The following RAD51B variants were observed in gnomAD, a reference collection of about 807,000 sequenced individuals.
The protein encoded by RAD51B is DNA repair protein RAD51 homolog 2.
RAD51B carries 38 observed loss-of-function variants against 42.2 expected under a neutral mutation model. The observed-to-expected ratio is 0.90, with a 90% confidence interval of 0.70 to 1.18. The LOEUF is 1.18. Among genes scored for constraint, RAD51B ranks in the 50% most tolerant of loss-of-function variants. RAD51B has a pLI of 0.00. For synonymous variants in RAD51B, 154 were observed against 145.2 expected, an observed-to-expected ratio of 1.06 and a Z score of -0.43; for missense variants, 373 against 400.7, an observed-to-expected ratio of 0.93 and a Z score of 0.59.
At chr14:68,124,409 G>A (rs544854576) in intron 7 of RAD51B, among the ~76,000 whole-genome samples, 7 of 152,240 alleles carry the variant, frequency 4.6e-5, no homozygotes, top group South Asian at 2.1e-4. Flanking sequence ...TCTAGCAGCC[G>A]TACACACGAA....
intron 7 of RAD51B, among the ~76,000 whole-genome samples, chr14:68,199,882 A>G (rs1032355334): frequency 2.0e-5 from 3 of 152,100 alleles, no homozygotes; most frequent in African/African-American, 7.2e-5. Context: ...GGTTTGGCCC[A>G]TTGTCTCCCA....
chr14:68,002,426 A>C (rs2075502697), intron 7 of RAD51B, among the ~76,000 whole-genome samples: 1 of 151,648 alleles, frequency 6.6e-6, no homozygotes, highest in Non-Finnish European at 1.5e-5. Flanking sequence ...TAGATGCTGG[A>C]TGTTAGACCT....
chr14:68,138,072 T>C (rs2078047453), intron 7 of RAD51B, among the ~76,000 whole-genome samples: 1 of 152,182 alleles, frequency 6.6e-6, no homozygotes, highest in Non-Finnish European at 1.5e-5. Flanking sequence ...GGCACAAAAG[T>C]CTAGCTTACA....
At chr14:68,445,543 T>C (rs1157821010) in intron 9 of RAD51B, among the ~76,000 whole-genome samples, 3 of 152,182 alleles carry the variant, frequency 2.0e-5, no homozygotes, top group Admixed American at 6.5e-5. Flanking sequence ...CCCAAAGAGA[T>C]TAATTGTTAG....
At chr14:68,072,983 G>A (rs1464822620) in intron 7 of RAD51B, among the ~76,000 whole-genome samples, 2 of 152,196 alleles carry the variant, frequency 1.3e-5, no homozygotes, top group Non-Finnish European at 2.9e-5. Flanking sequence ...TGTGCCATGT[G>A]CAGATCAGAA....
At chr14:68,547,284 C>T (rs1888286712) in intron 10 of RAD51B, among the ~76,000 whole-genome samples, 1 of 152,238 alleles carries the variant, frequency 6.6e-6, no homozygotes. Context: ...AACCTCCTTT[C>T]TCAGCATCTC....
intron 7 of RAD51B, among the ~76,000 whole-genome samples, chr14:67,894,028 C>T: frequency 6.6e-6 from 1 of 152,196 alleles, no homozygotes. Context: ...CTTAGCTCCA[C>T]TATTTGCTAA....
chr14:68,454,696 A>G lies in RAD51B; in HGVS notation c.958-13476A>G, dbSNP rs115517097. On this transcript the variant is annotated intron_variant, in intron 9 of 10. Coordinates refer to ENST00000471583, the MANE Select transcript of RAD51B (RefSeq NM_133510.4). ...CATTCTCAGGGCTTGTCTTTATTTG[A>G]CTTAGATTCAGAACTTGGCCTGTGT... is the stretch of plus-strand genomic sequence containing the variant. Among the ~76,000 whole-genome samples the G allele has an allele frequency of 3.2e-3, 486 of 152,306 alleles. 3 individuals carry two copies. Among genetic ancestry groups the G allele is most frequent in the African/African-American group, 0.011 (470 of 41,554 alleles).
At chr14:68,564,708 A>T (rs11158751) in intron 10 of RAD51B, among the ~76,000 whole-genome samples, 10 of 152,082 alleles carry the variant, frequency 6.6e-5, no homozygotes, top group Non-Finnish European at 4.4e-5. Context: ...GCTGGCTTTC[A>T]GGCCTGGTGT....
chr14:68,678,741 G>A (rs965350048), intron 11 of RAD51B, among the ~76,000 whole-genome samples: 1 of 152,182 alleles, frequency 6.6e-6, no homozygotes, highest in Non-Finnish European at 1.5e-5. Flanking sequence ...TTCTGCTGGT[G>A]GTGATATGGA....
At chr14:68,234,995 C>T (rs1427984165) in intron 7 of RAD51B, among the ~76,000 whole-genome samples, 2 of 152,072 alleles carry the variant, frequency 1.3e-5, no homozygotes, top group Admixed American at 6.5e-5. Flanking sequence ...GAGGCTGCTG[C>T]TGCTGTTACA....
At chr14:67,961,505 G>T (rs1196195945) in intron 7 of RAD51B, among the ~76,000 whole-genome samples, 1 of 152,140 alleles carries the variant, frequency 6.6e-6, no homozygotes, top group Non-Finnish European at 1.5e-5. Flanking sequence ...ATTTTTCAAA[G>T]ACTGAACACC....
At chr14:68,181,960 A>G (rs887797113) in intron 7 of RAD51B, among the ~76,000 whole-genome samples, 1 of 152,234 alleles carries the variant, frequency 6.6e-6, no homozygotes, top group Non-Finnish European at 1.5e-5. Context: ...TTTTTCATTT[A>G]GATCCATTGC....
intron 7 of RAD51B, among the ~76,000 whole-genome samples, chr14:68,166,486 AAG>A (rs2078756261): frequency 6.6e-6 from 1 of 152,122 alleles, no homozygotes; most frequent in African/African-American, 2.4e-5. Flanking sequence ...GGCTTTCAGA[AAG>A]AGTTATTTTG....
intron 8 of RAD51B, among the ~76,000 whole-genome samples, chr14:68,333,765 T>C (rs970236466): frequency 1.3e-5 from 2 of 152,212 alleles, no homozygotes; most frequent in African/African-American, 4.8e-5. Context: ...ATTGATCACA[T>C]AGTTACCATT....
At chr14:68,650,886 A>G (rs1220691251) in intron 11 of RAD51B, 9 of 732,666 alleles carry the variant, frequency 1.2e-5, no homozygotes, top group South Asian at 1.1e-4. Flanking sequence ...CTCCCTCACA[A>G]CAGGGAAAAG....
chr14:67,839,961 A>G (rs2041370282), intron 4 of RAD51B, among the ~76,000 whole-genome samples: 1 of 152,130 alleles, frequency 6.6e-6, no homozygotes. Context: ...TAATTAAAAA[A>G]ATTTATTTTA....
Position 68,530,784 on chromosome 14 carries a change from C to A in RAD51B, c.1036+62534C>A, listed in dbSNP as rs568004739. The stretch of plus-strand genomic sequence containing the variant: ...TATTATATCAAGAAAAACTCAGTTT[C>A]AAGGCAGGACATAGAAATCAAGAAA... On this transcript the variant is annotated intron_variant, in intron 10 of 10. Coordinates refer to the RAD51B transcript ENST00000487270. Among the ~76,000 whole-genome samples the A allele has an allele frequency of 2.0e-5, 3 of 151,990 alleles. No homozygotes were observed. In the South Asian group the frequency reaches 6.2e-4, roughly 32 times the overall value.
At chr14:67,913,905 A>G (rs916602131) in intron 7 of RAD51B, among the ~76,000 whole-genome samples, 4 of 151,976 alleles carry the variant, frequency 2.6e-5, no homozygotes, top group Non-Finnish European at 5.9e-5. Context: ...CCCATAAACC[A>G]TCCCCACTTC....
Sources: gnomAD v4.1 joint callset for allele counts (sites outside exome capture counted in the v4.1 genomes callset) on GRCh38, gnomAD v4.1.1 for gene constraint, MANE v1.5 for transcripts, NCBI Gene and HGNC (gene_info 2026-07-23, HGNC 2026-07-21) for gene names.